Variants in CPQ observed in about 807,000 individuals in gnomAD.
CPQ encodes carboxypeptidase Q.
A neutral mutation model predicts 45.7 loss-of-function variants in CPQ; 37 were observed. That is an observed-to-expected ratio of 0.81 (90% confidence interval 0.62 to 1.07). The LOEUF (loss-of-function observed/expected upper bound fraction) is 1.07, where lower values mean the gene tolerates loss of function less well. Among genes scored for constraint, CPQ ranks in the 50% least tolerant of loss-of-function variants. The probability of loss-of-function intolerance (pLI) is 0.00; values close to 1 mark genes in which losing one functional copy is unlikely to be tolerated. For missense variants in CPQ, 537 were observed against 572.9 expected (o/e 0.94, Z 0.64); for synonymous variants, 186 against 205.8 (o/e 0.90, Z 0.82).
rs760755222 is a variant in CPQ at position 97,066,026 on chromosome 8, C to T, written c.1071C>T (p.Tyr357=). Residue 357 remains tyrosine (Y), a synonymous_variant, in exon 7 of 8, where the codon TAC becomes TAT. Coordinates refer to ENST00000220763, the MANE Select transcript of CPQ (RefSeq NM_016134.4). ...GTGTTTAGGTAAATATTTCCAACTA[C>T]AGTCTGGTGATGGAGTCTGACGCAG... ...YQLHKVNISN[Y]SLVMESDAGT... 1.2e-6 allele frequency: 2 copies of T among 1,610,134 alleles called. No homozygotes were observed. The highest frequency in any genetic ancestry group is 1.1e-5 in the South Asian group (1 of 90,280).
intron 1 of CPQ, among the ~76,000 whole-genome samples, chr8:96,722,848 G>C (rs1809782888): frequency 6.6e-6 from 1 of 152,194 alleles, no homozygotes; most frequent in African/African-American, 2.4e-5. Context: ...CGCAGGAAGA[G>C]GAAGCTAGAG....
chr8:96,827,673 T>C (rs1024636041), intron 2 of CPQ, among the ~76,000 whole-genome samples: 1 of 152,080 alleles, frequency 6.6e-6, no homozygotes, highest in Admixed American at 6.6e-5. Flanking sequence ...TTATCTCATA[T>C]GATGGTCACA....
At chr8:97,053,535 TG>T (rs1395945590) in intron 6 of CPQ, among the ~76,000 whole-genome samples, 2 of 152,146 alleles carry the variant, frequency 1.3e-5, no homozygotes, top group African/African-American at 4.8e-5. Context: ...AAGGTGCTGC[TG>T]GAGGCCATGC....
intron 7 of CPQ, among the ~76,000 whole-genome samples, chr8:97,137,596 C>G (rs1812082364): frequency 6.6e-6 from 1 of 152,194 alleles, no homozygotes; most frequent in South Asian, 2.1e-4. Context: ...AGTAAACATA[C>G]AGATTTGTCT....
chr8:96,851,540 T>C (rs984473000), intron 3 of CPQ, among the ~76,000 whole-genome samples: 1 of 152,190 alleles, frequency 6.6e-6, no homozygotes, highest in Non-Finnish European at 1.5e-5. Flanking sequence ...GAACGCTGTG[T>C]CCTCACATGT....
intron 7 of CPQ, among the ~76,000 whole-genome samples, chr8:97,100,720 A>G (rs1204621480): frequency 6.6e-6 from 1 of 152,162 alleles, no homozygotes; most frequent in Non-Finnish European, 1.5e-5. Flanking sequence ...TGGTATTATC[A>G]TTGTTATTAT....
chr8:96,791,782 T>C (rs1490493737), intron 2 of CPQ, among the ~76,000 whole-genome samples: 2 of 152,190 alleles, frequency 1.3e-5, no homozygotes, highest in Admixed American at 6.5e-5. Context: ...AGGAAACCTG[T>C]CTTCTCACTT....
Position 96,848,308 on chromosome 8 carries a change from A to AG in CPQ, c.641+13128_641+13129insG, listed in dbSNP as rs1419006021. 3.3e-5 allele frequency among the ~76,000 whole-genome samples: 5 copies of AG among 152,310 alleles called. No individual in the cohort carries two copies. In the East Asian group the frequency reaches 9.6e-4, roughly 29 times the overall value. ...TAATTTGGGGGCCTCTTTAAGAAAA[A>AG]CAATACAAAGTTACTTCTACACATT... On this transcript the variant is annotated intron_variant, in intron 3 of 7. Coordinates refer to ENST00000220763, the MANE Select transcript of CPQ (RefSeq NM_016134.4).
At chr8:96,903,618 G>A (rs527764924) in intron 4 of CPQ, among the ~76,000 whole-genome samples, 1 of 152,272 alleles carries the variant, frequency 6.6e-6, no homozygotes, top group South Asian at 2.1e-4. Flanking sequence ...CATGCTAAGT[G>A]CTTTATGTAT....
chr8:96,904,523 C>G (rs543728865), intron 4 of CPQ, among the ~76,000 whole-genome samples: 4 of 152,150 alleles, frequency 2.6e-5, no homozygotes, highest in Non-Finnish European at 4.4e-5. Flanking sequence ...GATCTGTCAC[C>G]TGGTCCTCTG....
At chr8:96,941,685 C>A (rs936344018) in intron 4 of CPQ, among the ~76,000 whole-genome samples, 2 of 152,080 alleles carry the variant, frequency 1.3e-5, no homozygotes, top group African/African-American at 4.8e-5. Flanking sequence ...TCCTCCAGGT[C>A]TCCTATTCCA....
intron 2 of CPQ, among the ~76,000 whole-genome samples, chr8:96,809,700 T>C (rs1178490584): frequency 2.6e-5 from 4 of 152,086 alleles, no homozygotes; most frequent in South Asian, 2.1e-4. Context: ...TCAAAATCTA[T>C]GGAATTGTAT....
intron 3 of CPQ, among the ~76,000 whole-genome samples, chr8:96,853,982 T>C (rs2130862148): frequency 1.3e-5 from 2 of 152,286 alleles, no homozygotes; most frequent in South Asian, 4.1e-4. Context: ...AGCAAGGTAG[T>C]ATATTGTATT....
At chr8:96,922,610 TATA>T (rs1214085533) in intron 4 of CPQ, among the ~76,000 whole-genome samples, 1 of 152,194 alleles carries the variant, frequency 6.6e-6, no homozygotes, top group Admixed American at 6.5e-5. Flanking sequence ...CACTACCCCA[TATA>T]ATAAGTTTTG....
intron 1 of CPQ, among the ~76,000 whole-genome samples, chr8:96,683,702 T>TC (rs1809183334): frequency 1.3e-5 from 2 of 152,020 alleles, no homozygotes; most frequent in African/African-American, 4.8e-5. Flanking sequence ...TATCTAGGCT[T>TC]CCTTCATTCT....
In CPQ at chr8:97,143,269, T is replaced by C; in HGVS notation, c.*86T>C. The C allele has an allele frequency of 8.4e-7, 1 of 1,186,676 alleles. No individual in the cohort carries two copies. The highest frequency in any genetic ancestry group is 1.2e-6 in the Non-Finnish European group (1 of 828,048). 73.5% of individuals were successfully genotyped at this position (1,186,676 alleles called of 1,614,324 possible). ...GAAAACTCCTCTTCACATAACAATT[T>C]CATCCAATTCATCTTCAAAGCACAA... On this transcript the variant is annotated 3_prime_UTR_variant, in exon 8 of 8. Coordinates refer to ENST00000220763, the MANE Select transcript of CPQ (RefSeq NM_016134.4).
chr8:96,967,320 T>C (rs1242937238), intron 5 of CPQ, among the ~76,000 whole-genome samples: 1 of 152,240 alleles, frequency 6.6e-6, no homozygotes, highest in African/African-American at 2.4e-5. Context: ...CCATTTGAAT[T>C]GGACTTTAGG....
intron 7 of CPQ, among the ~76,000 whole-genome samples, chr8:97,138,010 C>T (rs1447276553): frequency 6.6e-6 from 1 of 152,218 alleles, no homozygotes; most frequent in South Asian, 2.1e-4. Flanking sequence ...GACCTCTTCT[C>T]CAGCTGTTTA....
At chr8:97,027,188 T>A (rs1809818299) in intron 5 of CPQ, among the ~76,000 whole-genome samples, 1 of 152,204 alleles carries the variant, frequency 6.6e-6, no homozygotes, top group Non-Finnish European at 1.5e-5. Flanking sequence ...CCGAAGATTG[T>A]TATCTTTGGC....
Sources: allele counts gnomAD v4.1 joint callset (sites outside exome capture counted in the v4.1 genomes callset), GRCh38; gene constraint gnomAD v4.1.1; transcripts MANE v1.5; gene names NCBI Gene and HGNC (gene_info 2026-07-23, HGNC 2026-07-21).